Variants in RRP1B observed in about 807,000 individuals in gnomAD.
RRP1B encodes ribosomal RNA processing 1B.
RRP1B carries 56 observed loss-of-function variants against 80.2 expected under a neutral mutation model. The ratio of observed to expected loss-of-function variants is 0.70; its 90% CI spans 0.56 to 0.87. RRP1B has a LOEUF of 0.87. RRP1B is among the 40% of genes least tolerant of loss of function. The probability of loss-of-function intolerance (pLI) is 0.00; values close to 1 mark genes in which losing one functional copy is unlikely to be tolerated. For synonymous variants in RRP1B, 351 were observed against 357.6 expected, an observed-to-expected ratio of 0.98 and a Z score of 0.21; for missense variants, 807 against 939.8, an observed-to-expected ratio of 0.86 and a Z score of 1.85.
In RRP1B at chr21:43,696,008, C is replaced by T. The variant is rs947479546; in HGVS notation, c.*2625C>T. ...GGACTTTGTTTACGATCAAATTGTA[C>T]TAGTGTCTGCAGGGTTTGTCAGTAC... On this transcript the variant is annotated 3_prime_UTR_variant, in exon 16 of 16. Coordinates refer to ENST00000340648, the MANE Select transcript of RRP1B (RefSeq NM_015056.3). The T allele has an allele frequency of 1.3e-5, 2 of 152,040 alleles. No homozygotes were observed. The highest frequency in any genetic ancestry group is 4.8e-5 in the African/African-American group (2 of 41,376). 9.4% of individuals were successfully genotyped at this position (152,040 alleles called of 1,614,324 possible). A position where few individuals can be genotyped will look rare whatever the true frequency, so the allele number is the denominator to read the frequency against.
At position 43,690,416 on chromosome 21, in the gene RRP1B, C is replaced by T; in HGVS notation, c.1995C>T (p.Thr665=). Residue 665 remains threonine (T), a synonymous_variant, in exon 14 of 16, where the codon ACC becomes ACT. Coordinates refer to ENST00000340648, the MANE Select transcript of RRP1B (RefSeq NM_015056.3). ...FFRRAKSSTA[T]HPPGPAVQLN... ...GAAGAGCCAAGAGCAGCACTGCCACCCACCCTCCAGGCCCTGCCGTCCAGG... is the reference window on the plus strand; with the variant it reads ...GAAGAGCCAAGAGCAGCACTGCCACTCACCCTCCAGGCCCTGCCGTCCAGG... 6.2e-7 allele frequency: 1 copy of T among 1,614,146 alleles called. No individual in the cohort carries two copies. Among genetic ancestry groups the T allele is most frequent in the Non-Finnish European group, 8.5e-7 (1 of 1,180,010 alleles).
Position 43,675,020 on chromosome 21 carries a change from G to A in RRP1B, c.420-14G>A, listed in dbSNP as rs780870979. 27 of 1,613,494 alleles carry A rather than the reference G, an allele frequency of 1.7e-5. No homozygotes were observed. Among genetic ancestry groups the A allele is most frequent in the African/African-American group, 4.0e-5 (3 of 74,884 alleles). Reference sequence around the variant, plus strand: ...CATACTGTCATTCACAGAAGCATGCGTTTGGTTCTTTAGCCGAATCAAGGT... The same window carrying A: ...CATACTGTCATTCACAGAAGCATGCATTTGGTTCTTTAGCCGAATCAAGGT... On this transcript the variant is annotated splice_polypyrimidine_tract_variant and intron_variant, in intron 5 of 15. Transcript: ENST00000340648.
In RRP1B at chr21:43,675,153, G is replaced by C. The variant is rs1276715625; in HGVS notation, c.539G>C (p.Gly180Ala). 3.7e-6 allele frequency: 6 copies of C among 1,613,952 alleles called. No individual in the cohort carries two copies. The highest frequency in any genetic ancestry group is 4.2e-6 in the Non-Finnish European group (5 of 1,179,996). ...TACCTGGATGAACTCTCCAAAGTCG[G>C]GGGGAAGGAGGTAAGCAGCTGCCGA... is the stretch of plus-strand genomic sequence containing the variant. ...DIYLDELSKV[G>A]GKELLADQNL... The change falls in exon 6 of 16, where the codon GGG becomes GCG. Residue 180 changes from glycine to alanine, a missense_variant. Gly to Ala is a moderately conservative substitution (Grantham distance 60). Transcript: ENST00000340648.
At chr21:43,690,571 T>C in intron 14 of RRP1B, 131 bp downstream of exon 14, 5 of 973,166 alleles carry the variant, frequency 5.1e-6, no homozygotes, top group Admixed American at 2.6e-5. Flanking sequence ...AGTGGACAGG[T>C]TCCACGGCCA....
chr21:43,664,073 G>T (rs2082968543), intron 1 of RRP1B, among the ~76,000 whole-genome samples: 1 of 152,140 alleles, frequency 6.6e-6, no homozygotes, highest in South Asian at 2.1e-4. Context: ...TCAAAAATTG[G>T]TGGCTTGTTT....
At chr21:43,673,705 A>G (rs955625610) in intron 3 of RRP1B, among the ~76,000 whole-genome samples, 165 bp from the exon 4 acceptor site, 3 of 152,194 alleles carry the variant, frequency 2.0e-5, no homozygotes, top group African/African-American at 7.2e-5. Context: ...GTGTAAAAGA[A>G]ATGATTGAGT....
rs1278628056 is a variant in RRP1B at position 43,675,156 on chromosome 21, G to C, written c.542G>C (p.Gly181Ala). The part of the protein sequence containing the change: ...IYLDELSKVG[G>A]KELLADQNLK... Reference sequence around the variant, plus strand: ...CTGGATGAACTCTCCAAAGTCGGGGGGAAGGAGGTAAGCAGCTGCCGACAG... The same window carrying C: ...CTGGATGAACTCTCCAAAGTCGGGGCGAAGGAGGTAAGCAGCTGCCGACAG... Residue 181 changes from glycine to alanine, a missense_variant, in exon 6 of 16, where the codon GGG (glycine) becomes GCG (alanine). By Grantham distance (60) the Gly-to-Ala change is moderately conservative. Coordinates refer to ENST00000340648, the MANE Select transcript of RRP1B (RefSeq NM_015056.3). 14 of 1,613,874 alleles carry C rather than the reference G, an allele frequency of 8.7e-6. No homozygotes were observed. The highest frequency in any genetic ancestry group is 1.2e-5 in the Non-Finnish European group (14 of 1,179,972).
At position 43,694,848 on chromosome 21, in the gene RRP1B, G is replaced by A. The variant is rs1467150727; in HGVS notation, c.*1465G>A. On this transcript the variant is annotated 3_prime_UTR_variant, in exon 16 of 16. Coordinates refer to ENST00000340648, the MANE Select transcript of RRP1B (RefSeq NM_015056.3). ...GCAGAGCTTGCATTGGGTTTACCTCGGTCTCATTCATTCATGGAGCCAAGG... is the reference window on the plus strand; with the variant it reads ...GCAGAGCTTGCATTGGGTTTACCTCAGTCTCATTCATTCATGGAGCCAAGG... 1 of 152,170 alleles carries A rather than the reference G, an allele frequency of 6.6e-6. No individual in the cohort carries two copies. Among genetic ancestry groups the A allele is most frequent in the Admixed American group, 6.5e-5 (1 of 15,270 alleles). The allele number at this position is 152,170 out of a possible 1,614,324, so 9.4% of individuals were successfully genotyped here.
chr21:43,672,851 C>T (rs1276132499), intron 3 of RRP1B, among the ~76,000 whole-genome samples: 1 of 152,202 alleles, frequency 6.6e-6, no homozygotes, highest in African/African-American at 2.4e-5. Context: ...GTTTGTTCTG[C>T]TTAATGCTCT....
At chr21:43,675,343 G>A (rs1160397798) in intron 6 of RRP1B, among the ~76,000 whole-genome samples, 180 bp downstream of exon 6, 1 of 152,156 alleles carries the variant, frequency 6.6e-6, no homozygotes, top group African/African-American at 2.4e-5. Flanking sequence ...TGTGCACTGA[G>A]GATGTACATG....
intron 15 of RRP1B, among the ~76,000 whole-genome samples, chr21:43,692,941 A>G (rs887590028): frequency 6.6e-6 from 1 of 152,098 alleles, no homozygotes; most frequent in Non-Finnish European, 1.5e-5. Context: ...CCCTACCAGC[A>G]GCTCCCCTTA....
At chr21:43,672,101 A>G (rs2083001685) in intron 2 of RRP1B, among the ~76,000 whole-genome samples, 1 of 152,236 alleles carries the variant, frequency 6.6e-6, no homozygotes, top group African/African-American at 2.4e-5. Flanking sequence ...TCTTGCAGAC[A>G]TACCAAGTTA....
chr21:43,674,560 G>A (rs2083013323), intron 4 of RRP1B, 76 bp from the exon 5 acceptor site: 2 of 1,101,218 alleles, frequency 1.8e-6, no homozygotes, highest in Non-Finnish European at 1.3e-6. Flanking sequence ...TCATTCTGCT[G>A]AGCTGATTAA....
Position 43,687,533 on chromosome 21 carries a change from G to A in RRP1B, c.1159G>A (p.Val387Ile), listed in dbSNP as rs2083067939. 1.3e-6 allele frequency: 2 copies of A among 1,492,670 alleles called. No homozygotes were observed. Among genetic ancestry groups the A allele is most frequent in the Admixed American group, 2.3e-5 (1 of 43,902 alleles). 92.5% of individuals were successfully genotyped at this position (1,492,670 alleles called of 1,614,324 possible). The change falls in exon 13 of 16, where the codon GTA becomes ATA. Residue 387 changes from valine (V) to isoleucine (I), a missense_variant. Coordinates refer to ENST00000340648, the MANE Select transcript of RRP1B (RefSeq NM_015056.3). ...EKEKGSRVFC[V>I]EEEDSESSLQ... ...CTTTTTAGGAAGCAGAGTCTTTTGT[G>A]TAGAGGAAGAGGACAGTGAAAGCAG... is the stretch of plus-strand genomic sequence containing the variant.
intron 2 of RRP1B, among the ~76,000 whole-genome samples, chr21:43,671,172 C>CT (rs929226304): frequency 2.0e-5 from 3 of 152,062 alleles, no homozygotes; most frequent in African/African-American, 7.2e-5. Flanking sequence ...GCAGGGCATG[C>CT]TCTCTCAGGG....
chr21:43,688,419 GT>G (rs2083073269), intron 13 of RRP1B, among the ~76,000 whole-genome samples, 179 bp downstream of exon 13: 1 of 152,258 alleles, frequency 6.6e-6, no homozygotes, highest in Non-Finnish European at 1.5e-5. Context: ...CAGGTGACCA[GT>G]ACTTCGGTCC....
chr21:43,681,000 G>T (rs1428333120), intron 8 of RRP1B, among the ~76,000 whole-genome samples: 1 of 152,144 alleles, frequency 6.6e-6, no homozygotes, highest in East Asian at 1.9e-4. Context: ...AGCACTCTGG[G>T]AAGCCCAGGC....
At position 43,690,423 on chromosome 21, in the gene RRP1B, C is replaced by A; in HGVS notation, c.2002C>A (p.Pro668Thr). 6.2e-7 allele frequency: 1 copy of A among 1,614,136 alleles called. No homozygotes were observed. The highest frequency in any genetic ancestry group is 8.5e-7 in the Non-Finnish European group (1 of 1,180,014). ...CAAGAGCAGCACTGCCACCCACCCT[C>A]CAGGCCCTGCCGTCCAGGTACGCAC... ...RAKSSTATHP[P>T]GPAVQLNKTP... The change falls in exon 14 of 16, where the codon CCA becomes ACA. Residue 668 changes from proline to threonine, a missense_variant. Transcript: ENST00000340648.
In RRP1B at chr21:43,685,792, G is replaced by T; in HGVS notation, c.1009+3G>T. On this transcript the variant is annotated splice_donor_region_variant and intron_variant, in intron 11 of 15. Coordinates refer to ENST00000340648, the MANE Select transcript of RRP1B (RefSeq NM_015056.3). ...TAGATTCCAAGACCTTTCTGAAGGT[G>T]AGGCGCGCCAAGAATCATCATTCAT... The T allele has an allele frequency of 3.2e-6, 5 of 1,586,648 alleles. No individual in the cohort carries two copies. Among genetic ancestry groups the T allele is most frequent in the Non-Finnish European group, 4.3e-6 (5 of 1,166,194 alleles).
Sources: allele counts gnomAD v4.1 joint callset (sites outside exome capture counted in the v4.1 genomes callset), GRCh38; gene constraint gnomAD v4.1.1; transcripts MANE v1.5; gene names NCBI Gene and HGNC (gene_info 2026-07-23, HGNC 2026-07-21).